EYA1: variants seen among roughly 807,000 people sequenced by gnomAD.
The protein encoded by EYA1 is EYA transcriptional coactivator and phosphatase 1.
In EYA1, 16 loss-of-function variants were observed where a neutral mutation model predicts 82.0. That is an observed-to-expected ratio of 0.20 (90% CI 0.13 to 0.30). EYA1 has a LOEUF of 0.30. EYA1 is among the 10% of genes least tolerant of loss of function. EYA1 has a pLI of 1.00. For missense variants in EYA1, 633 were observed against 730.7 expected (o/e 0.87, Z 1.54); for synonymous variants, 261 against 264.4 (o/e 0.99, Z 0.12).
At chr8:71,256,991 C>A (rs1275744654) in intron 11 of EYA1, among the ~76,000 whole-genome samples, 1 of 150,704 alleles carries the variant, frequency 6.6e-6, no homozygotes, top group East Asian at 1.9e-4. Flanking sequence ...AAGAACTAAA[C>A]TCCATCTCAA....
intron 2 of EYA1, among the ~76,000 whole-genome samples, chr8:71,472,423 T>C (rs1306024784): frequency 6.6e-6 from 1 of 152,150 alleles, no homozygotes; most frequent in Non-Finnish European, 1.5e-5. Context: ...CCTTGCTGTT[T>C]TGGGTTGTTT....
At chr8:71,478,827 T>G (rs1204754255) in intron 2 of EYA1, among the ~76,000 whole-genome samples, 1 of 152,168 alleles carries the variant, frequency 6.6e-6, no homozygotes, top group Non-Finnish European at 1.5e-5. Flanking sequence ...AAGCACTTTA[T>G]CATCAGATTG....
intron 12 of EYA1, among the ~76,000 whole-genome samples, chr8:71,244,047 T>C (rs955721455): frequency 6.6e-6 from 1 of 152,258 alleles, no homozygotes; most frequent in Non-Finnish European, 1.5e-5. Context: ...TGATTGTCAG[T>C]GCCTGTAACA....
intron 2 of EYA1, among the ~76,000 whole-genome samples, chr8:71,500,829 G>A (rs1395166270): frequency 6.6e-6 from 1 of 151,948 alleles, no homozygotes; most frequent in Non-Finnish European, 1.5e-5. Flanking sequence ...TGGTATAAAA[G>A]GTAAAAGACC....
At chr8:71,225,867 A>G (rs943892573) in intron 12 of EYA1, among the ~76,000 whole-genome samples, 2 of 152,256 alleles carry the variant, frequency 1.3e-5, no homozygotes, top group Non-Finnish European at 2.9e-5. Context: ...TTTAGAGATT[A>G]TCTAAGTGAG....
At chr8:71,313,194 C>A (rs548265269) in intron 7 of EYA1, among the ~76,000 whole-genome samples, 219 of 152,250 alleles carry the variant, frequency 1.4e-3, no homozygotes, top group African/African-American at 4.9e-3. Flanking sequence ...TGTTGTTTCT[C>A]CCCCGCTTTT....
At chr8:71,408,748 A>T in intron 2 of EYA1, among the ~76,000 whole-genome samples, 1 of 136,756 alleles carries the variant, frequency 7.3e-6, no homozygotes, top group Non-Finnish European at 1.5e-5. Context: ...CTACAAAGAG[A>T]CTTAGACTCC....
At chr8:71,465,403 A>G (rs1808702979) in intron 2 of EYA1, among the ~76,000 whole-genome samples, 1 of 152,064 alleles carries the variant, frequency 6.6e-6, no homozygotes, top group South Asian at 2.1e-4. Flanking sequence ...CAGGAAAATC[A>G]CTCAAGGCCA....
intron 11 of EYA1, among the ~76,000 whole-genome samples, chr8:71,255,170 T>G (rs1814253460): frequency 6.6e-6 from 1 of 152,186 alleles, no homozygotes; most frequent in African/African-American, 2.4e-5. Flanking sequence ...ATGTCAATAC[T>G]ATCCAAAGTG....
At chr8:71,357,715 G>C (rs1827021967) in intron 1 of EYA1, among the ~76,000 whole-genome samples, 1 of 152,136 alleles carries the variant, frequency 6.6e-6, no homozygotes, top group African/African-American at 2.4e-5. Flanking sequence ...CAAGAATAAA[G>C]CATCATTAAA....
At chr8:71,295,828 A>G (rs1185200213) in intron 9 of EYA1, among the ~76,000 whole-genome samples, 1 of 152,214 alleles carries the variant, frequency 6.6e-6, no homozygotes, top group Non-Finnish European at 1.5e-5. Context: ...ATGTCCTTCA[A>G]TTGGCGGTGA....
At chr8:71,516,973 C>T (rs1331872610) in intron 2 of EYA1, among the ~76,000 whole-genome samples, 3 of 152,090 alleles carry the variant, frequency 2.0e-5, no homozygotes, top group Non-Finnish European at 4.4e-5. Flanking sequence ...ACTTTCAGTG[C>T]TTAATCAACT....
At position 71,354,825 on chromosome 8, in the gene EYA1, G is replaced by T; in HGVS notation, c.81C>A (p.Asn27Lys). Residue 27 changes from asparagine to lysine, a missense_variant, in exon 3 of 18, where the codon AAC becomes AAA. By Grantham distance (94) the Asn-to-Lys change is moderately conservative. Transcript: ENST00000340726. ...TCATGGAATTACTATTTATATGAGA[G>T]TTACCGAGTTTGGGGCCACTGGGGG... ...SESPSGPKLG[N>K]SHINSNSMTP... 1 of 1,613,648 alleles carries T rather than the reference G, an allele frequency of 6.2e-7. No homozygotes were observed. Among genetic ancestry groups the T allele is most frequent in the Non-Finnish European group, 8.5e-7 (1 of 1,179,656 alleles).
intron 11 of EYA1, among the ~76,000 whole-genome samples, chr8:71,250,945 C>T (rs1813678970): frequency 6.6e-6 from 1 of 152,122 alleles, no homozygotes; most frequent in Non-Finnish European, 1.5e-5. Flanking sequence ...AAAACAATTC[C>T]TAATGATCTA....
rs1814075860 is a variant in EYA1, at chr8:71,529,332, G to T, written c.33+6412C>A. The T allele has an allele frequency of 2.0e-5, 3 of 152,090 alleles. No individual in the cohort carries two copies. The South Asian group carries it at 6.2e-4, about 32-fold the overall frequency. 9.4% of individuals were successfully genotyped at this position (152,090 alleles called of 1,614,324 possible). On this transcript the variant is annotated intron_variant, in intron 2 of 18. Transcript: ENST00000643681. The stretch of plus-strand genomic sequence containing the variant: ...ATTGTTGCTATCAGATAGATAAACA[G>T]AAAGATGAAAAATTAGTACACTAGA...
chr8:71,538,898 C>T (rs527680889), intron 1 of EYA1, among the ~76,000 whole-genome samples: 168 of 152,162 alleles, frequency 1.1e-3, no homozygotes, highest in Non-Finnish European at 2.0e-3. Context: ...ACCAACCATC[C>T]CCAACACCTT....
intron 11 of EYA1, among the ~76,000 whole-genome samples, chr8:71,254,243 C>A (rs1254028292): frequency 2.1e-4 from 11 of 51,474 alleles, no homozygotes; most frequent in South Asian, 9.8e-4. Flanking sequence ...AAGTCTTGGC[C>A]AAAAAAAAAA....
At chr8:71,332,304 T>C (rs1303291497) in intron 4 of EYA1, among the ~76,000 whole-genome samples, 10 of 152,172 alleles carry the variant, frequency 6.6e-5, no homozygotes, top group African/African-American at 2.4e-4. Flanking sequence ...AAATCTCCTC[T>C]GAGCTCCAAA....
intron 2 of EYA1, among the ~76,000 whole-genome samples, chr8:71,443,279 G>T (rs756527045): frequency 3.3e-5 from 5 of 152,176 alleles, no homozygotes; most frequent in Non-Finnish European, 7.3e-5. Flanking sequence ...GGATTTCAGA[G>T]ATTTGAAGAA....
Sources: allele counts gnomAD v4.1 joint callset (sites outside exome capture counted in the v4.1 genomes callset), GRCh38; gene constraint gnomAD v4.1.1; transcripts MANE v1.5; gene names NCBI Gene and HGNC (gene_info 2026-07-23, HGNC 2026-07-21).